DLGAP2: variants seen among roughly 807,000 people sequenced by gnomAD.
DLGAP2 encodes the protein disks large-associated protein 2.
Under a neutral mutation model 100.3 loss-of-function variants are expected in DLGAP2, and 26 were observed. The observed-to-expected ratio is 0.26, with a 90% CI of 0.19 to 0.36. The LOEUF is 0.36. Ranked by LOEUF, DLGAP2 falls within the 10% of genes least tolerant of loss-of-function variation. The probability of loss-of-function intolerance (pLI) is 1.00; values close to 1 mark genes in which losing one functional copy is unlikely to be tolerated. For synonymous variants in DLGAP2, 886 were observed against 630.1 expected, an observed-to-expected ratio of 1.41 and a Z score of -6.08; for missense variants, 1,858 against 1,453.2, an observed-to-expected ratio of 1.28 and a Z score of -4.53.
intron 1 of DLGAP2, among the ~76,000 whole-genome samples, chr8:777,824 G>A (rs1271034621): frequency 6.6e-6 from 1 of 152,072 alleles, no homozygotes; most frequent in Non-Finnish European, 1.5e-5. Context: ...TGACAGTTAT[G>A]TGTCTTGGAG....
chr8:1,205,500 G>A (rs1438478444), intron 2 of DLGAP2, among the ~76,000 whole-genome samples: 1 of 152,172 alleles, frequency 6.6e-6, no homozygotes, highest in Non-Finnish European at 1.5e-5. Context: ...TTGACAGGGG[G>A]ACCCTCTGTG....
intron 3 of DLGAP2, among the ~76,000 whole-genome samples, chr8:1,441,678 C>T (rs577440104): frequency 1.1e-4 from 15 of 132,950 alleles, no homozygotes; most frequent in African/African-American, 4.1e-4. Flanking sequence ...ACATAGACTC[C>T]ATCTCAAAAA....
intron 13 of DLGAP2, among the ~76,000 whole-genome samples, chr8:1,695,463 T>C (rs1799370464): frequency 7.4e-6 from 1 of 134,298 alleles, no homozygotes; most frequent in South Asian, 2.3e-4. Flanking sequence ...GGCACAGCCA[T>C]GCCTGGCACT....
At chr8:1,291,468 C>T (rs1343212250) in intron 3 of DLGAP2, among the ~76,000 whole-genome samples, 1 of 152,104 alleles carries the variant, frequency 6.6e-6, no homozygotes, top group Admixed American at 6.5e-5. Context: ...GAATGAAAGG[C>T]AGACGTATGG....
intron 4 of DLGAP2, among the ~76,000 whole-genome samples, chr8:1,536,286 T>A (rs1030803487): frequency 6.6e-6 from 1 of 152,160 alleles, no homozygotes; most frequent in Non-Finnish European, 1.5e-5. Context: ...TCATGGGTAG[T>A]GACTGACGAC....
chr8:808,266 G>A (rs548621248), intron 1 of DLGAP2, among the ~76,000 whole-genome samples: 15 of 152,290 alleles, frequency 9.8e-5, no homozygotes, highest in African/African-American at 2.9e-4. Flanking sequence ...TGCATGTAGC[G>A]GTGTTTGGTG....
At chr8:1,104,813 T>G (rs1804703071) in intron 2 of DLGAP2, 1 of 152,216 alleles carries the variant, frequency 6.6e-6, no homozygotes, top group South Asian at 2.1e-4. Context: ...GCTGTTGGGT[T>G]AATTACCCTT....
intron 2 of DLGAP2, among the ~76,000 whole-genome samples, chr8:948,893 C>T (rs985803513): frequency 1.7e-4 from 25 of 150,746 alleles, no homozygotes; most frequent in African/African-American, 5.6e-4. Context: ...AGGGTGGGAG[C>T]AGGGCCCGTG....
At chr8:1,623,491 C>A (rs1324604690) in intron 6 of DLGAP2, among the ~76,000 whole-genome samples, 1 of 151,586 alleles carries the variant, frequency 6.6e-6, no homozygotes, top group Non-Finnish European at 1.5e-5. Flanking sequence ...TGCACGATGA[C>A]CTGGCACCAG....
At chr8:1,304,123 T>C (rs1800432626) in intron 3 of DLGAP2, among the ~76,000 whole-genome samples, 4 of 152,210 alleles carry the variant, frequency 2.6e-5, no homozygotes, top group Admixed American at 1.3e-4. Flanking sequence ...ATTTTAATAT[T>C]CATGAAATTG....
At chr8:1,283,273 C>T (rs992794886) in intron 3 of DLGAP2, among the ~76,000 whole-genome samples, 9 of 151,080 alleles carry the variant, frequency 6.0e-5, no homozygotes, top group Non-Finnish European at 8.8e-5. Flanking sequence ...CCTGAACCAT[C>T]CGGACGTGGT....
chr8:1,261,938 G>T (rs542410822), intron 3 of DLGAP2, among the ~76,000 whole-genome samples: 2 of 152,192 alleles, frequency 1.3e-5, no homozygotes, highest in African/African-American at 4.8e-5. Flanking sequence ...CGGCTCGGAT[G>T]TGGGTGTGCA....
At chr8:1,360,702 A>C (rs1008314106) in intron 3 of DLGAP2, among the ~76,000 whole-genome samples, 1 of 152,046 alleles carries the variant, frequency 6.6e-6, no homozygotes, top group African/African-American at 2.4e-5. Context: ...CACCGCCCCC[A>C]CCATGGAGAT....
chr8:777,458 C>T (rs1463457597), intron 1 of DLGAP2, among the ~76,000 whole-genome samples: 4 of 152,054 alleles, frequency 2.6e-5, no homozygotes, highest in Non-Finnish European at 5.9e-5. Context: ...ATGGTCTTTA[C>T]ATTTTGGCAT....
intron 3 of DLGAP2, among the ~76,000 whole-genome samples, chr8:1,420,587 C>G (rs1251942068): frequency 6.6e-6 from 1 of 152,204 alleles, no homozygotes; most frequent in Admixed American, 6.5e-5. Context: ...ATATGATCTT[C>G]TATGTTGAGC....
chr8:1,076,113 A>G (rs1337458133), intron 2 of DLGAP2, among the ~76,000 whole-genome samples: 3 of 152,164 alleles, frequency 2.0e-5, no homozygotes. Context: ...AAAATCCACA[A>G]GTGATTTAAA....
chr8:1,089,305 C>T (rs1433934392), intron 2 of DLGAP2, among the ~76,000 whole-genome samples: 1 of 152,254 alleles, frequency 6.6e-6, no homozygotes, highest in East Asian at 1.9e-4. Context: ...CTGTATATGT[C>T]GGCCTGAGTG....
chr8:1,049,586 A>T (rs1464322572), intron 2 of DLGAP2, among the ~76,000 whole-genome samples: 1 of 152,128 alleles, frequency 6.6e-6, no homozygotes, highest in African/African-American at 2.4e-5. Flanking sequence ...ATATTCAGTT[A>T]TTCCATATTC....
chr8:1,548,259 A>T (rs1801609406), intron 4 of DLGAP2, among the ~76,000 whole-genome samples: 1 of 151,980 alleles, frequency 6.6e-6, no homozygotes, highest in Non-Finnish European at 1.5e-5. Context: ...CAGGAGTTTG[A>T]AACTAGCCTG....
Sources: allele counts gnomAD v4.1 joint callset (sites outside exome capture counted in the v4.1 genomes callset), GRCh38; gene constraint gnomAD v4.1.1; transcripts MANE v1.5; gene names NCBI Gene and HGNC (gene_info 2026-07-23, HGNC 2026-07-21).